The following DGCR8 variants were observed in gnomAD, a reference collection of about 807,000 sequenced individuals.
DGCR8 encodes the protein microprocessor complex subunit DGCR8.
Under a neutral mutation model 78.5 loss-of-function variants are expected in DGCR8, and 14 were observed. The ratio of observed to expected loss-of-function variants is 0.18; its 90% CI spans 0.12 to 0.28. The LOEUF (loss-of-function observed/expected upper bound fraction) is 0.28. DGCR8 is among the 10% of genes least tolerant of loss of function. DGCR8 has a pLI of 1.00. For missense variants in DGCR8, 702 were observed against 1,022.5 expected, an observed-to-expected ratio of 0.69 and a Z score of 4.28; for synonymous variants, 399 against 402.4, an observed-to-expected ratio of 0.99 and a Z score of 0.10.
intron 9 of DGCR8, among the ~76,000 whole-genome samples, chr22:20,098,988 G>C (rs1345871371): frequency 2.0e-5 from 3 of 152,096 alleles, no homozygotes; most frequent in Admixed American, 6.5e-5. Flanking sequence ...ATGATTTGTG[G>C]CCACTGAATA....
At chr22:20,093,636 C>A (rs527916177) in intron 8 of DGCR8, among the ~76,000 whole-genome samples, 3 of 152,322 alleles carry the variant, frequency 2.0e-5, no homozygotes, top group Admixed American at 6.5e-5. Flanking sequence ...CTGGCTCTTA[C>A]CGGCACTATT....
At chr22:20,081,982 C>T (rs1010647485) in intron 1 of DGCR8, among the ~76,000 whole-genome samples, 7 of 152,130 alleles carry the variant, frequency 4.6e-5, no homozygotes, top group Non-Finnish European at 1.0e-4. Context: ...TCTTTACTGT[C>T]ACCTTAGGTC....
chr22:20,091,951 C>G lies in DGCR8; in HGVS notation c.1587C>G (p.Val529=). The change falls in exon 7 of 14, where the codon GTC becomes GTG. Residue 529 remains valine, a synonymous_variant. Coordinates refer to ENST00000351989, the MANE Select transcript of DGCR8 (RefSeq NM_022720.7). Reference sequence around the variant, plus strand: ...AGCGTGTCCTCAAGGTCCGCCCTGTCTATAATTTCTTTGAATGTGGTAAGT... The same window carrying G: ...AGCGTGTCCTCAAGGTCCGCCCTGTGTATAATTTCTTTGAATGTGGTAAGT... ...YMQRVLKVRP[V]YNFFECENPS... 6.2e-7 allele frequency: 1 copy of G among 1,613,886 alleles called. No individual in the cohort carries two copies. Among genetic ancestry groups the G allele is most frequent in the East Asian group, 2.2e-5 (1 of 44,882 alleles).
chr22:20,080,592 C>G, intron 1 of DGCR8: 1 of 661,248 alleles, frequency 1.5e-6, no homozygotes, highest in Non-Finnish European at 1.9e-6. Context: ...GGGCCCCGGG[C>G]CCAGGCGTTG....
At chr22:20,081,305 A>G (rs2049415474) in intron 1 of DGCR8, among the ~76,000 whole-genome samples, 1 of 152,248 alleles carries the variant, frequency 6.6e-6, no homozygotes, top group African/African-American at 2.4e-5. Context: ...CTGTTAGCCA[A>G]CACAGCAAGT....
At chr22:20,094,514 C>A (rs2049604274) in intron 8 of DGCR8, among the ~76,000 whole-genome samples, 199 bp from the exon 9 acceptor site, 1 of 152,238 alleles carries the variant, frequency 6.6e-6, no homozygotes, top group Non-Finnish European at 1.5e-5. Flanking sequence ...GCCCGTGAGG[C>A]TTTCTGGTAG....
intron 9 of DGCR8, among the ~76,000 whole-genome samples, chr22:20,095,199 G>A (rs1478210315): frequency 1.3e-5 from 2 of 152,012 alleles, no homozygotes; most frequent in Non-Finnish European, 2.9e-5. Context: ...TTCACCTCCC[G>A]GATTCAAGTG....
chr22:20,103,806 A>G (rs1400311060), intron 9 of DGCR8, among the ~76,000 whole-genome samples: 5 of 152,228 alleles, frequency 3.3e-5, no homozygotes, highest in Non-Finnish European at 7.3e-5. Flanking sequence ...ACTACTAACT[A>G]TAACTATGAC....
chr22:20,088,112 G>A (rs1361931865), intron 3 of DGCR8, among the ~76,000 whole-genome samples: 2 of 152,178 alleles, frequency 1.3e-5, no homozygotes, highest in Admixed American at 6.5e-5. Flanking sequence ...CAAAGCAAGG[G>A]GCGGGTGGCA....
Position 20,110,152 on chromosome 22 carries a change from T to C in DGCR8, c.*44T>C. 6.3e-7 allele frequency: 1 copy of C among 1,576,916 alleles called. No homozygotes were observed. Among genetic ancestry groups the C allele is most frequent in the Non-Finnish European group, 8.6e-7 (1 of 1,158,962 alleles). Reference sequence around the variant, plus strand: ...GGGCGCGGGGGCCGCCAGCCGCACTTCTGAGGAGACCAGCAGTCATGCATC... The same window carrying C: ...GGGCGCGGGGGCCGCCAGCCGCACTCCTGAGGAGACCAGCAGTCATGCATC... On this transcript the variant is annotated 3_prime_UTR_variant, in exon 14 of 14. Transcript: ENST00000351989.
rs770483438 is a variant in DGCR8, at chr22:20,086,161, C to T, written c.198C>T (p.Pro66=). 1.9e-5 allele frequency: 31 copies of T among 1,614,046 alleles called. No homozygotes were observed. Among genetic ancestry groups the T allele is most frequent in the Non-Finnish European group, 2.6e-5 (31 of 1,180,036 alleles). Residue 66 remains proline, a synonymous_variant, in exon 2 of 14, where the codon CCC becomes CCT. Coordinates refer to ENST00000351989, the MANE Select transcript of DGCR8 (RefSeq NM_022720.7). The surrounding 1 kb of genome is among the most constrained non-coding windows in gnomAD (Gnocchi z 6.4). ...DGQSELPAED[P]FNFYGASLLS... Reference sequence around the variant, plus strand: ...AGTCCGAACTCCCTGCTGAGGACCCCTTCAACTTCTACGGAGCTTCTCTTC... The same window carrying T: ...AGTCCGAACTCCCTGCTGAGGACCCTTTCAACTTCTACGGAGCTTCTCTTC...
chr22:20,099,382 T>A (rs531827195), intron 9 of DGCR8, among the ~76,000 whole-genome samples: 1 of 152,324 alleles, frequency 6.6e-6, no homozygotes, highest in African/African-American at 2.4e-5. Context: ...CCTCAGGAAC[T>A]GGGCTGTTTT....
intron 13 of DGCR8, 66 bp from the exon 14 acceptor site, chr22:20,109,959 T>C (rs2049815977): frequency 1.3e-6 from 2 of 1,505,326 alleles, no homozygotes; most frequent in Admixed American, 1.7e-5. Flanking sequence ...TCCCTCCACC[T>C]TGTGTCTTCC....
At chr22:20,107,029 G>A in intron 11 of DGCR8, 1 of 581,708 alleles carries the variant, frequency 1.7e-6, no homozygotes, top group Non-Finnish European at 3.1e-6. Flanking sequence ...GAGGCTCTCG[G>A]CTGCGTGGCT....
chr22:20,107,296 G>T lies in DGCR8; in HGVS notation c.2022G>T (p.Gln674His). The T allele has an allele frequency of 6.2e-7, 1 of 1,614,172 alleles. No homozygotes were observed. The change falls in exon 12 of 14, where the codon CAG becomes CAT. Residue 674 changes from glutamine to histidine, a missense_variant. Transcript: ENST00000351989. ...GWCKNKRVGK[Q>H]LASQKILQLL... The stretch of plus-strand genomic sequence containing the variant: ...GTAAGAACAAGAGAGTTGGAAAGCA[G>T]TTAGCCTCACAGAAGATCCTTCAGC...
intron 9 of DGCR8, chr22:20,100,823 C>A: frequency 1.0e-6 from 1 of 985,328 alleles, no homozygotes; most frequent in South Asian, 4.7e-5. Context: ...GATCCTCCCA[C>A]ACTGCAGCCT....
chr22:20,088,483 T>TG (rs2049515576), intron 3 of DGCR8, among the ~76,000 whole-genome samples: 1 of 152,220 alleles, frequency 6.6e-6, no homozygotes, highest in South Asian at 2.1e-4. Context: ...GACCACTCAC[T>TG]GTCACAGAGG....
chr22:20,101,249 C>A, intron 9 of DGCR8: 1 of 985,398 alleles, frequency 1.0e-6, no homozygotes, highest in Non-Finnish European at 1.2e-6. Flanking sequence ...ATGTGCCCCT[C>A]CTGAGAAGCT....
chr22:20,081,376 G>A (rs1193683036), intron 1 of DGCR8, among the ~76,000 whole-genome samples: 2 of 152,216 alleles, frequency 1.3e-5, no homozygotes, highest in Non-Finnish European at 2.9e-5. Context: ...AAGGGTCCAG[G>A]GGAGCTTGCC....
Sources: gnomAD v4.1 joint callset for allele counts (sites outside exome capture counted in the v4.1 genomes callset) on GRCh38, gnomAD v4.1.1 for gene constraint, Gnocchi (gnomAD v3.1) non-coding constraint, MANE v1.5 for transcripts, NCBI Gene and HGNC (gene_info 2026-07-23, HGNC 2026-07-21) for gene names.